The following NFKBIZ variants were observed in gnomAD, a reference collection of about 807,000 sequenced individuals.
NFKBIZ encodes NFKB inhibitor zeta.
A neutral mutation model predicts 76.8 loss-of-function variants in NFKBIZ; 19 were observed. The observed-to-expected ratio is 0.25, with a 90% CI of 0.17 to 0.36. The LOEUF is 0.36. NFKBIZ is among the 10% of genes least tolerant of loss of function. The pLI is 1.00. For synonymous variants in NFKBIZ, 368 were observed against 354.8 expected (o/e 1.04, Z -0.42); for missense variants, 829 against 910.9 (o/e 0.91, Z 1.16).
intron 8 of NFKBIZ, 134 bp downstream of exon 8, chr3:101,855,592 C>G: frequency 8.1e-7 from 1 of 1,236,414 alleles, no homozygotes; most frequent in Admixed American, 2.1e-5. Flanking sequence ...CAAAAAGAGA[C>G]AATATTCAGA....
Position 101,860,221 on chromosome 3 carries a change from G to A in NFKBIZ, c.*850G>A, listed in dbSNP as rs1341728951. On this transcript the variant is annotated 3_prime_UTR_variant, in exon 12 of 12. Coordinates refer to ENST00000326172, the MANE Select transcript of NFKBIZ (RefSeq NM_031419.4). ...TCCCGAGACAGGGTCTTGCTCTGGC[G>A]CCCAGGCTGGAGTACAGTGGCATGA... 2 of 149,976 alleles carry A rather than the reference G, an allele frequency of 1.3e-5. No homozygotes were observed. The highest frequency in any genetic ancestry group is 3.0e-5 in the Non-Finnish European group (2 of 67,712). The allele number at this position is 149,976 out of a possible 1,614,324, so 9.3% of individuals were successfully genotyped here.
In NFKBIZ at chr3:101,859,982, AC is replaced by A. The variant is rs1943109779; in HGVS notation, c.*612del. ...GTATAAGTCCATAAAATAGAAAAGA[AC>A]AAGTGAATTGTTGCTATTTAAAAAA... On this transcript the variant is annotated 3_prime_UTR_variant, in exon 12 of 12. Coordinates refer to ENST00000326172, the MANE Select transcript of NFKBIZ (RefSeq NM_031419.4). 6.6e-6 allele frequency: 1 copy of A among 152,244 alleles called. No homozygotes were observed. The highest frequency in any genetic ancestry group is 6.5e-5 in the Admixed American group (1 of 15,286). The allele number at this position is 152,244 out of a possible 1,614,324, so 9.4% of individuals were successfully genotyped here. A position where few individuals can be genotyped will look rare whatever the true frequency, so the allele number is the denominator to read the frequency against.
intron 5 of NFKBIZ, 88 bp downstream of exon 5, chr3:101,853,951 G>A: frequency 8.0e-7 from 1 of 1,249,176 alleles, no homozygotes; most frequent in South Asian, 1.4e-5. Flanking sequence ...GTATAACAAG[G>A]TATACCTTAG....
At chr3:101,839,294 A>G (rs1193436662) in intron 2 of NFKBIZ, among the ~76,000 whole-genome samples, 4 of 152,210 alleles carry the variant, frequency 2.6e-5, no homozygotes, top group Admixed American at 1.3e-4. Flanking sequence ...TTCTTCTTGA[A>G]AAAATGTGGC....
At chr3:101,847,845 C>CA (rs1016923523), upstream of NFKBIZ, among the ~76,000 whole-genome samples, 3 of 152,186 alleles carry the variant, frequency 2.0e-5, no homozygotes, top group African/African-American at 7.2e-5. Context: ...AGTAACAATC[C>CA]AAACTCATCG....
In NFKBIZ at chr3:101,854,570, T is replaced by C; in HGVS notation, c.1338-8T>C. 6.3e-7 allele frequency: 1 copy of C among 1,585,030 alleles called. No individual in the cohort carries two copies. Among genetic ancestry groups the C allele is most frequent in the Admixed American group, 1.7e-5 (1 of 58,890 alleles). ...TGATTCACCCGCTTTCCTTTCCATG[T>C]TCCCCAGGTTCCTTCATATTGCTGT... On this transcript the variant is annotated splice_polypyrimidine_tract_variant and splice_region_variant and intron_variant, in intron 5 of 11. Coordinates refer to ENST00000326172, the MANE Select transcript of NFKBIZ (RefSeq NM_031419.4).
chr3:101,838,178 A>C (rs999545835), intron 2 of NFKBIZ, among the ~76,000 whole-genome samples: 3 of 152,214 alleles, frequency 2.0e-5, no homozygotes, highest in East Asian at 3.8e-4. Flanking sequence ...CTCAATGGTC[A>C]TAATAATTTA....
At chr3:101,851,531 A>T (rs600718) in intron 1 of NFKBIZ, among the ~76,000 whole-genome samples, 122,899 of 152,242 alleles carry the variant, frequency 0.81, 50,212 homozygotes, top group African/African-American at 0.93. Context: ...TTTCGTACAT[A>T]GAGATCTTTG....
chr3:101,853,480 G>T lies in NFKBIZ; in HGVS notation c.954G>T (p.Gln318His). Residue 318 changes from glutamine (Q) to histidine (H), a missense_variant, in exon 5 of 12, where the codon CAG becomes CAT. By Grantham distance (24) the Gln-to-His change is conservative. Around this residue, in one of 4 missense-constraint regions of NFKBIZ, gnomAD observed 371 missense variants for 332.3 expected, o/e 1.12. Transcript: ENST00000326172. Reference sequence around the variant, plus strand: ...ACAGTCCTTTTCCCATACCTCCCCAGTCCCCCGCTTATGAACCAAACCTCT... The same window carrying T: ...ACAGTCCTTTTCCCATACCTCCCCATTCCCCCGCTTATGAACCAAACCTCT... ...LEYSPFPIPP[Q>H]SPAYEPNLFD... is the part of the protein sequence containing the mutation. The T allele has an allele frequency of 6.2e-7, 1 of 1,614,166 alleles. No individual in the cohort carries two copies. The highest frequency in any genetic ancestry group is 8.5e-7 in the Non-Finnish European group (1 of 1,180,008).
At chr3:101,830,233 T>C (rs1942630398) in intron 2 of NFKBIZ, among the ~76,000 whole-genome samples, 2 of 152,242 alleles carry the variant, frequency 1.3e-5, no homozygotes, top group Non-Finnish European at 1.5e-5. Flanking sequence ...TTAACACTTA[T>C]TAAACACTTG....
rs1943029781 is a variant in NFKBIZ, at chr3:101,855,162, C to A, written c.1544C>A (p.Thr515Lys). 1 of 1,613,646 alleles carries A rather than the reference C, an allele frequency of 6.2e-7. No homozygotes were observed. The highest frequency in any genetic ancestry group is 1.3e-5 in the African/African-American group (1 of 74,884). Residue 515 changes from threonine to lysine, a missense_variant, in exon 7 of 12, where the codon ACA becomes AAA. Transcript: ENST00000326172. ...QVNTTDCWGR[T>K]PLHVCAEKGH... The stretch of plus-strand genomic sequence containing the variant: ...AACACCACAGACTGCTGGGGAAGAA[C>A]ACCTCTGCATGTGTGTGCTGAGAAG...
intron 2 of NFKBIZ, among the ~76,000 whole-genome samples, chr3:101,839,013 C>G (rs1169941401): frequency 6.6e-6 from 1 of 152,118 alleles, no homozygotes; most frequent in Non-Finnish European, 1.5e-5. Context: ...TAAACATTAT[C>G]AGTGTTCCAA....
intron 2 of NFKBIZ, among the ~76,000 whole-genome samples, chr3:101,837,204 G>T (rs924351363): frequency 6.6e-6 from 1 of 152,218 alleles, no homozygotes; most frequent in South Asian, 2.1e-4. Context: ...TTTTCTAAGG[G>T]ATCATAATCA....
At chr3:101,856,485 T>C (rs1943051902) in intron 9 of NFKBIZ, among the ~76,000 whole-genome samples, 1 of 151,924 alleles carries the variant, frequency 6.6e-6, no homozygotes, top group African/African-American at 2.4e-5. Flanking sequence ...GAAATTGATA[T>C]TGTCATTTTG....
rs200494711 is a variant in NFKBIZ, at chr3:101,859,364, C to G, written c.2150C>G (p.Pro717Arg). Residue 717 changes from proline to arginine, a missense_variant, in exon 12 of 12, where the codon CCG (proline) becomes CGG (arginine). By Grantham distance (103) the Pro-to-Arg change is moderately radical (BLOSUM62 -2). Around this residue, in one of 4 missense-constraint regions of NFKBIZ, gnomAD observed 272 missense variants for 384.2 expected, o/e 0.71. Transcript: ENST00000326172. The part of the protein sequence containing the change: ...KGKSIQQRAP[P>R]Y ...AAGTCCATTCAGCAGAGAGCTCCACCGTATTAGCTCCATTAGCTTGGAGCC... is the reference window on the plus strand; with the variant it reads ...AAGTCCATTCAGCAGAGAGCTCCACGGTATTAGCTCCATTAGCTTGGAGCC... 1 of 1,613,472 alleles carries G rather than the reference C, an allele frequency of 6.2e-7. No homozygotes were observed. The highest frequency in any genetic ancestry group is 8.5e-7 in the Non-Finnish European group (1 of 1,179,504).
chr3:101,851,996 A>C, intron 1 of NFKBIZ, 89 bp from the exon 2 acceptor site: 11 of 1,498,294 alleles, frequency 7.3e-6, no homozygotes, highest in Non-Finnish European at 9.9e-6. Flanking sequence ...GACTTTATAC[A>C]TTAGGCAACA....
chr3:101,847,298 G>A (rs1233817313), upstream of NFKBIZ, among the ~76,000 whole-genome samples: 7 of 152,216 alleles, frequency 4.6e-5, no homozygotes, highest in Non-Finnish European at 1.0e-4. Flanking sequence ...GGTTTCCAAG[G>A]AATTGCAATT....
intron 2 of NFKBIZ, among the ~76,000 whole-genome samples, chr3:101,843,039 A>C (rs982143147): frequency 1.3e-5 from 2 of 148,340 alleles, no homozygotes; most frequent in South Asian, 2.1e-4. Flanking sequence ...AAAAAAAAAA[A>C]AAAAAAAAAC....
chr3:101,851,455 T>A (rs1290059894), intron 1 of NFKBIZ, among the ~76,000 whole-genome samples: 1 of 152,148 alleles, frequency 6.6e-6, no homozygotes, highest in African/African-American at 2.4e-5. Context: ...TTAAGCAGCT[T>A]TTTTGGCACA....
Sources: gnomAD v4.1 joint callset for allele counts (sites outside exome capture counted in the v4.1 genomes callset) on GRCh38, gnomAD v4.1.1 for gene constraint, gnomAD v4.1.1 regional missense constraint, MANE v1.5 for transcripts, NCBI Gene and HGNC (gene_info 2026-07-23, HGNC 2026-07-21) for gene names.